Variants in AK2 observed in about 807,000 individuals in gnomAD.
AK2 encodes adenylate kinase 2, mitochondrial.
A neutral mutation model predicts 24.6 loss-of-function variants in AK2; 15 were observed. The ratio of observed to expected loss-of-function variants is 0.61; its 90% confidence interval spans 0.41 to 0.94. The LOEUF (loss-of-function observed/expected upper bound fraction) is 0.94. AK2 is among the 40% of genes least tolerant of loss of function. AK2 has a pLI of 0.00. For missense variants in AK2, 257 were observed against 304.1 expected (o/e 0.85, Z 1.15); for synonymous variants, 102 against 114.0 (o/e 0.90, Z 0.67).
intron 1 of AK2, among the ~76,000 whole-genome samples, chr1:33,033,156 T>A (rs1640348841): frequency 7.5e-6 from 1 of 134,008 alleles, no homozygotes; most frequent in Admixed American, 8.2e-5. Flanking sequence ...CGAGACTCTG[T>A]CTCAAAAAAA....
chr1:33,016,784 C>T (rs997361974), intron 4 of AK2, among the ~76,000 whole-genome samples: 2 of 151,528 alleles, frequency 1.3e-5, no homozygotes, highest in Admixed American at 1.3e-4. Context: ...CGGCTCACTG[C>T]AACCTCTGCC....
chr1:33,016,797 C>T (rs1391374555), intron 4 of AK2, among the ~76,000 whole-genome samples: 2 of 150,590 alleles, frequency 1.3e-5, no homozygotes, highest in African/African-American at 4.9e-5. Context: ...CCTCTGCCTC[C>T]CAGGTTCAAG....
At chr1:33,019,669 T>C (rs1236711001) in intron 4 of AK2, 2 of 1,012,368 alleles carry the variant, frequency 2.0e-6, no homozygotes, top group Non-Finnish European at 2.4e-6. Context: ...CTTGAAGGTA[T>C]GGACTACAAA....
At chr1:33,035,024 AAAAAAGAAAAAG>A (rs981013913) in intron 1 of AK2, among the ~76,000 whole-genome samples, 3 of 152,168 alleles carry the variant, frequency 2.0e-5, no homozygotes, top group Non-Finnish European at 4.4e-5. Flanking sequence ...CCTGTCTCAA[AAAAAAGAAAAAG>A]AAAAAGAAAA....
At chr1:33,035,400 C>T (rs1448226808) in intron 1 of AK2, among the ~76,000 whole-genome samples, 1 of 152,168 alleles carries the variant, frequency 6.6e-6, no homozygotes, top group Non-Finnish European at 1.5e-5. Context: ...GTGCTAGGTG[C>T]CACAAGGGGT....
In AK2 at chr1:33,010,493, G is replaced by C. The variant is rs1289578456; in HGVS notation, c.*2688C>G. On this transcript the variant is annotated 3_prime_UTR_variant, in exon 6 of 6. Transcript: ENST00000672715. Reference sequence around the variant, plus strand: ...CTGAGATAAAAGCTGAGGTCTTAGAGCACTGGCTTTAAAAAATATTTTCAC... The same window carrying C: ...CTGAGATAAAAGCTGAGGTCTTAGACCACTGGCTTTAAAAAATATTTTCAC... 1 of 637,510 alleles carries C rather than the reference G, an allele frequency of 1.6e-6. No individual in the cohort carries two copies. The highest frequency in any genetic ancestry group is 2.9e-6 in the Non-Finnish European group (1 of 349,954). The allele number at this position is 637,510 out of a possible 1,614,324, so 39.5% of individuals were successfully genotyped here.
chr1:33,012,506 GAAGA>G lies in AK2; in HGVS notation c.*671_*674del. 7.4e-7 allele frequency: 1 copy of G among 1,358,556 alleles called. No homozygotes were observed. Among genetic ancestry groups the G allele is most frequent in the Non-Finnish European group, 9.6e-7 (1 of 1,036,310 alleles). 84.2% of individuals were successfully genotyped at this position (1,358,556 alleles called of 1,614,324 possible). A position where few individuals can be genotyped will look rare whatever the true frequency, so the allele number is the denominator to read the frequency against. On this transcript the variant is annotated 3_prime_UTR_variant, in exon 6 of 6. Transcript: ENST00000672715. ...GACTTCTAATCAGCTGCTGGAAATG[GAAGA>G]AATACTATGAGGTTCTGGAATTGCG... is the stretch of plus-strand genomic sequence containing the variant.
chr1:33,024,128 G>C (rs1054556373), intron 2 of AK2: 1 of 345,898 alleles, frequency 2.9e-6, no homozygotes, highest in Non-Finnish European at 5.6e-6. Flanking sequence ...CCAAGACTGC[G>C]CCACTGCACT....
intron 1 of AK2, among the ~76,000 whole-genome samples, chr1:33,034,166 A>G (rs930625130): frequency 2.6e-5 from 4 of 152,172 alleles, no homozygotes; most frequent in Admixed American, 2.6e-4. Context: ...AAGTGTACAG[A>G]GGTTAAATGA....
In AK2 at chr1:33,024,751, T is replaced by C. The variant is rs78476889; in HGVS notation, c.94-184A>G. On this transcript the variant is annotated intron_variant, in intron 1 of 5. Transcript: ENST00000672715. Reference sequence around the variant, plus strand: ...ATTCTAACATATACTGATTATAGGGTTATGGTAAGAATTACATGAAATAAT... The same window carrying C: ...ATTCTAACATATACTGATTATAGGGCTATGGTAAGAATTACATGAAATAAT... Among the ~76,000 whole-genome samples the C allele has an allele frequency of 1.6e-3, 245 of 152,300 alleles. 1 individual carries two copies. The highest frequency in any genetic ancestry group is 5.6e-3 in the African/African-American group (234 of 41,556).
chr1:33,014,623 G>A (rs758140036), intron 4 of AK2, 29 bp from the exon 5 acceptor site: 1 of 1,596,052 alleles, frequency 6.3e-7, no homozygotes, highest in Non-Finnish European at 8.6e-7. Context: ...ATATGAGTTA[G>A]GTTAACTGAC....
In AK2 at chr1:33,009,207, T is replaced by C. The variant is rs770999463; in HGVS notation, c.*3974A>G. 2.2e-6 allele frequency: 1 copy of C among 453,744 alleles called. No individual in the cohort carries two copies. Among genetic ancestry groups the C allele is most frequent in the South Asian group, 1.6e-5 (1 of 64,460 alleles). 28.1% of individuals were successfully genotyped at this position (453,744 alleles called of 1,614,324 possible). On this transcript the variant is annotated 3_prime_UTR_variant, in exon 6 of 6. Coordinates refer to ENST00000672715, the MANE Select transcript of AK2 (RefSeq NM_001625.4). ...GTGGTGCTTCCAGCCCAGCTCCCTC[T>C]TGTTTTGGGAACAACAGTCATTTCT...
At position 33,013,193 on chromosome 1, in the gene AK2, A is replaced by C. The variant is rs756443428; in HGVS notation, c.708T>G (p.Val236=). ...CTTGGACCCAACATTAGATAAACAT[A>C]ACCAAGTCTTTACATGTGGCTTTGG... ...AFSKATCKDL[V]MFI is the part of the protein sequence containing the mutation. Residue 236 remains valine, a synonymous_variant, in exon 6 of 6, where the codon GTT becomes GTG. Coordinates refer to ENST00000672715, the MANE Select transcript of AK2 (RefSeq NM_001625.4). 1.9e-6 allele frequency: 3 copies of C among 1,614,124 alleles called. No individual in the cohort carries two copies. In the East Asian group the frequency reaches 6.7e-5, roughly 36 times the overall value.
intron 4 of AK2, among the ~76,000 whole-genome samples, chr1:33,016,466 C>T (rs909298016): frequency 3.3e-5 from 5 of 152,028 alleles, no homozygotes; most frequent in African/African-American, 1.2e-4. Context: ...CTGCCTCAGC[C>T]TTCCGAAGTG....
At chr1:33,019,935 C>G (rs1377605083) in intron 4 of AK2, 1 of 1,409,102 alleles carries the variant, frequency 7.1e-7, no homozygotes, top group Admixed American at 3.2e-5. Context: ...TGGCTGACCA[C>G]TTTCCTGAGA....
intron 2 of AK2, among the ~76,000 whole-genome samples, chr1:33,023,207 C>A (rs1220684104): frequency 2.6e-5 from 4 of 152,194 alleles, no homozygotes; most frequent in South Asian, 4.1e-4. Flanking sequence ...ATCTAGCAAT[C>A]TTTGATTAGT....
chr1:33,018,411 T>C (rs542807269), intron 4 of AK2, among the ~76,000 whole-genome samples: 67 of 152,142 alleles, frequency 4.4e-4, no homozygotes, highest in Non-Finnish European at 3.4e-4. Context: ...AGTGAGACTC[T>C]GTCTCAAAAA....
At chr1:33,031,734 T>C (rs1372932703) in intron 1 of AK2, 2 of 455,738 alleles carry the variant, frequency 4.4e-6, no homozygotes, top group Middle Eastern at 3.3e-4. Flanking sequence ...AACTGATGCA[T>C]CTGACCCATA....
chr1:33,025,796 T>C (rs1639839968), intron 1 of AK2, among the ~76,000 whole-genome samples: 1 of 152,210 alleles, frequency 6.6e-6, no homozygotes, highest in Non-Finnish European at 1.5e-5. Context: ...GAATTCAGTA[T>C]ATGCAGGCCC....
Sources: allele counts gnomAD v4.1 joint callset (sites outside exome capture counted in the v4.1 genomes callset), GRCh38; gene constraint gnomAD v4.1.1; transcripts MANE v1.5; gene names NCBI Gene and HGNC (gene_info 2026-07-23, HGNC 2026-07-21).